LRRC37A2: variants seen among roughly 807,000 people sequenced by gnomAD.
LRRC37A2 encodes the protein leucine rich repeat containing 37 member A2, also known as leucine-rich repeat-containing protein 37A2.
LRRC37A2 carries 9 observed loss-of-function variants against 68.8 expected under a neutral mutation model. The ratio of observed to expected loss-of-function variants is 0.13; its 90% confidence interval spans 0.08 to 0.23. LRRC37A2 has a LOEUF of 0.23. LRRC37A2 is among the 10% of genes least tolerant of loss of function. The pLI is 1.00. For synonymous variants in LRRC37A2, 63 were observed against 367.6 expected, an observed-to-expected ratio of 0.17 and a Z score of 9.48; for missense variants, 168 against 950.4, an observed-to-expected ratio of 0.18 and a Z score of 10.82.
the LRRC37A2 span, among the ~76,000 whole-genome samples, chr17:47,003,075 C>T: frequency 6.6e-4 from 100 of 151,638 alleles, 1 homozygote; most frequent in Non-Finnish European, 4.4e-4. Flanking sequence ...CCCGACCCCC[C>T]CAACTTCTAC....
chr17:46,492,985 C>T, the LRRC37A2 span, among the ~76,000 whole-genome samples: 3 of 147,032 alleles, frequency 2.0e-5, no homozygotes, highest in South Asian at 2.1e-4. Flanking sequence ...TGAGCCACTG[C>T]GCCTGGCCTC....
chr17:46,707,141 G>A, the LRRC37A2 span, among the ~76,000 whole-genome samples: 8 of 152,174 alleles, frequency 5.3e-5, no homozygotes, highest in Admixed American at 5.2e-4. Flanking sequence ...GTGAGCCACT[G>A]CACCCAGCCT....
chr17:47,014,819 G>A, the LRRC37A2 span, among the ~76,000 whole-genome samples: 19 of 152,084 alleles, frequency 1.2e-4, no homozygotes, highest in Non-Finnish European at 2.6e-4. Context: ...TTTCAAATAT[G>A]GCTTATTGCT....
At chr17:46,927,903 C>T in the LRRC37A2 span, among the ~76,000 whole-genome samples, 1 of 152,042 alleles carries the variant, frequency 6.6e-6, no homozygotes, top group Non-Finnish European at 1.5e-5. Flanking sequence ...TCAGATTTTT[C>T]TGTTAAATCA....
chr17:46,928,929 C>T, the LRRC37A2 span, among the ~76,000 whole-genome samples: 4 of 152,106 alleles, frequency 2.6e-5, no homozygotes, highest in Non-Finnish European at 5.9e-5. Context: ...CCTCTGTCTG[C>T]TTGCCTGTGA....
the LRRC37A2 span, among the ~76,000 whole-genome samples, chr17:46,900,196 TATATATACACACACACACAC>T: frequency 4.7e-5 from 5 of 105,592 alleles, no homozygotes; most frequent in African/African-American, 2.4e-4. Flanking sequence ...TATATATATA[TATATATACACACACACACAC>T]ACACATATAT....
the LRRC37A2 span, among the ~76,000 whole-genome samples, chr17:46,961,292 C>T: frequency 1.9e-3 from 296 of 152,220 alleles, 1 homozygote; most frequent in African/African-American, 6.8e-3. Flanking sequence ...AATTTTAGCA[C>T]TTTGGGAGGC....
At chr17:46,967,192 G>A in the LRRC37A2 span, among the ~76,000 whole-genome samples, 2 of 152,230 alleles carry the variant, frequency 1.3e-5, no homozygotes, top group South Asian at 2.1e-4. Context: ...CACTGTGGCC[G>A]TGTTACCTCC....
At chr17:46,544,812 TCAAA>T (rs2056035775) in intron 8 of LRRC37A2, among the ~76,000 whole-genome samples, 1 of 119,254 alleles carries the variant, frequency 8.4e-6, no homozygotes, top group Non-Finnish European at 1.7e-5. Flanking sequence ...TGGAAAAAAT[TCAAA>T]CAAGCCAGAA....
At chr17:46,392,502 T>C in the LRRC37A2 span, among the ~76,000 whole-genome samples, 1 of 29,918 alleles carries the variant, frequency 3.3e-5, no homozygotes. Context: ...TTCTTTCTTT[T>C]CTCTCTTTCT....
chr17:46,846,990 A>C, the LRRC37A2 span, among the ~76,000 whole-genome samples: 4 of 152,234 alleles, frequency 2.6e-5, no homozygotes, highest in South Asian at 6.2e-4. Flanking sequence ...GCAAATGCTT[A>C]AAGTTCCACC....
chr17:47,025,111 G>A, the LRRC37A2 span, among the ~76,000 whole-genome samples: 1 of 152,118 alleles, frequency 6.6e-6, no homozygotes, highest in Non-Finnish European at 1.5e-5. Flanking sequence ...ATTAAGTTAA[G>A]AATGGTTTTT....
chr17:46,771,687 C>T, the LRRC37A2 span, among the ~76,000 whole-genome samples: 3 of 143,928 alleles, frequency 2.1e-5, no homozygotes, highest in African/African-American at 5.0e-5. Context: ...CAACGGGCGG[C>T]TCCCGCGGCC....
chr17:46,924,537 C>T, the LRRC37A2 span: 1 of 152,178 alleles, frequency 6.6e-6, no homozygotes, highest in Non-Finnish European at 1.5e-5. Flanking sequence ...CACTTAAAAT[C>T]ACACTCCCAA....
At chr17:46,828,181 T>C in the LRRC37A2 span, among the ~76,000 whole-genome samples, 2 of 152,052 alleles carry the variant, frequency 1.3e-5, no homozygotes, top group Non-Finnish European at 1.5e-5. Flanking sequence ...CTCTCTTTTT[T>C]TCCTTTGGAT....
chr17:46,790,107 G>A, the LRRC37A2 span, among the ~76,000 whole-genome samples: 2 of 152,136 alleles, frequency 1.3e-5, no homozygotes, highest in African/African-American at 2.4e-5. Context: ...AGGCAGTCCA[G>A]AGCGAGCCTC....
chr17:46,865,066 C>A, the LRRC37A2 span, among the ~76,000 whole-genome samples: 1 of 152,294 alleles, frequency 6.6e-6, no homozygotes, highest in East Asian at 1.9e-4. Flanking sequence ...CTTTGGGGAC[C>A]CTCCGCAGCC....
chr17:46,805,350 G>C, the LRRC37A2 span, among the ~76,000 whole-genome samples: 9 of 152,080 alleles, frequency 5.9e-5, no homozygotes, highest in Non-Finnish European at 1.3e-4. Flanking sequence ...AGGTGGGCGG[G>C]TCACCTGAGG....
chr17:46,888,638 C>A, the LRRC37A2 span, among the ~76,000 whole-genome samples: 33 of 152,150 alleles, frequency 2.2e-4, no homozygotes, highest in Non-Finnish European at 4.1e-4. Context: ...AATCAGCTGT[C>A]TGTCAAGCAC....
Sources: gnomAD v4.1 joint callset for allele counts (sites outside exome capture counted in the v4.1 genomes callset) on GRCh38, gnomAD v4.1.1 for gene constraint, MANE v1.5 for transcripts, NCBI Gene and HGNC (gene_info 2026-07-23, HGNC 2026-07-21) for gene names.